Variants in SLC25A13 observed in about 807,000 individuals in gnomAD.
SLC25A13 encodes the protein electrogenic aspartate/glutamate antiporter SLC25A13, mitochondrial.
In SLC25A13, 70 loss-of-function variants were observed where a neutral mutation model predicts 85.5. That is an observed-to-expected ratio of 0.82 (90% confidence interval 0.68 to 1.00). The LOEUF (loss-of-function observed/expected upper bound fraction) is 1.00. Among genes scored for constraint, SLC25A13 ranks in the 50% least tolerant of loss-of-function variants. The probability of loss-of-function intolerance (pLI) is 0.00; values close to 1 mark genes in which losing one functional copy is unlikely to be tolerated. For synonymous variants in SLC25A13, 259 were observed against 288.7 expected, an observed-to-expected ratio of 0.90 and a Z score of 1.04; for missense variants, 765 against 819.8, an observed-to-expected ratio of 0.93 and a Z score of 0.82.
chr7:96,319,357 G>A (rs1800248031), intron 1 of SLC25A13, among the ~76,000 whole-genome samples: 2 of 151,944 alleles, frequency 1.3e-5, no homozygotes, highest in South Asian at 4.1e-4. Flanking sequence ...AGACCAGCCT[G>A]GCCAACATGA....
At chr7:96,271,639 A>C (rs1798241828) in intron 3 of SLC25A13, among the ~76,000 whole-genome samples, 1 of 152,182 alleles carries the variant, frequency 6.6e-6, no homozygotes, top group Non-Finnish European at 1.5e-5. Context: ...TCATCGATAA[A>C]ACCAAGAAAA....
chr7:96,123,846 G>C (rs979133395), intron 15 of SLC25A13, among the ~76,000 whole-genome samples: 1 of 152,316 alleles, frequency 6.6e-6, no homozygotes, highest in South Asian at 2.1e-4. Flanking sequence ...TGGGGGCCAG[G>C]GTTGGCAGGG....
At chr7:96,203,034 C>G (rs1432096922) in intron 5 of SLC25A13, among the ~76,000 whole-genome samples, 1 of 152,170 alleles carries the variant, frequency 6.6e-6, no homozygotes, top group Admixed American at 6.5e-5. Context: ...GCTTAAAAAG[C>G]AACCAACCGG....
At chr7:96,140,654 C>T (rs1258723735) in intron 14 of SLC25A13, among the ~76,000 whole-genome samples, 1 of 151,958 alleles carries the variant, frequency 6.6e-6, no homozygotes, top group Admixed American at 6.6e-5. Flanking sequence ...CTGCCCGCAT[C>T]GGTCTCCCAC....
At chr7:96,321,872 C>A in intron 1 of SLC25A13, 70 bp downstream of exon 1, 1 of 1,472,470 alleles carries the variant, frequency 6.8e-7, no homozygotes. Context: ...GACACGTGAG[C>A]GCCCGAGCCT....
intron 4 of SLC25A13, among the ~76,000 whole-genome samples, chr7:96,232,427 C>G (rs1318774491): frequency 6.6e-6 from 1 of 151,634 alleles, no homozygotes; most frequent in Non-Finnish European, 1.5e-5. Context: ...GACATTACGG[C>G]CTACCAGAGG....
intron 13 of SLC25A13, among the ~76,000 whole-genome samples, chr7:96,167,663 G>A (rs1303210455): frequency 6.6e-6 from 1 of 152,220 alleles, no homozygotes; most frequent in African/African-American, 2.4e-5. Flanking sequence ...CCGCTCATGT[G>A]ACACAACCTT....
intron 14 of SLC25A13, among the ~76,000 whole-genome samples, chr7:96,138,476 G>A (rs544354092): frequency 6.7e-6 from 1 of 150,086 alleles, no homozygotes; most frequent in African/African-American, 2.5e-5. Context: ...GCTCACTGCA[G>A]CCTTGACCCC....
intron 15 of SLC25A13, among the ~76,000 whole-genome samples, chr7:96,123,794 C>T (rs56284386): frequency 0.03 from 4,575 of 152,258 alleles, 109 homozygotes; most frequent in Non-Finnish European, 0.045. Context: ...GGGAAAGCAG[C>T]AGATACTGGC....
intron 6 of SLC25A13, 26 bp downstream of exon 6, chr7:96,193,011 C>T: frequency 6.2e-7 from 1 of 1,613,154 alleles, no homozygotes; most frequent in Non-Finnish European, 8.5e-7. Context: ...AGTTAAACCA[C>T]TTCATTAGGG....
intron 3 of SLC25A13, among the ~76,000 whole-genome samples, chr7:96,273,097 A>G (rs1798309154): frequency 6.6e-6 from 1 of 152,234 alleles, no homozygotes; most frequent in African/African-American, 2.4e-5. Context: ...CTGAGGAGAT[A>G]CAATGGGTAG....
chr7:96,227,091 A>G (rs1035938990), intron 4 of SLC25A13, among the ~76,000 whole-genome samples: 24 of 152,226 alleles, frequency 1.6e-4, no homozygotes, highest in Admixed American at 7.2e-4. Context: ...TCTCAAATAT[A>G]AAATTCAGCT....
chr7:96,194,054 C>T (rs1794958881), intron 5 of SLC25A13, among the ~76,000 whole-genome samples: 1 of 152,168 alleles, frequency 6.6e-6, no homozygotes, highest in Non-Finnish European at 1.5e-5. Flanking sequence ...ATTCCTCCTG[C>T]AGAGAGCATT....
intron 4 of SLC25A13, among the ~76,000 whole-genome samples, chr7:96,233,343 A>G (rs1796629071): frequency 6.6e-6 from 1 of 152,232 alleles, no homozygotes; most frequent in Non-Finnish European, 1.5e-5. Context: ...GAAGATTTAA[A>G]TGGGGACTTT....
chr7:96,125,684 C>G (rs949239994), intron 15 of SLC25A13, among the ~76,000 whole-genome samples: 1 of 151,184 alleles, frequency 6.6e-6, no homozygotes, highest in Non-Finnish European at 1.5e-5. Context: ...AAGATTAATT[C>G]TACCTGTATC....
intron 3 of SLC25A13, among the ~76,000 whole-genome samples, chr7:96,235,586 G>C (rs1796715449): frequency 6.6e-6 from 1 of 152,170 alleles, no homozygotes; most frequent in Non-Finnish European, 1.5e-5. Flanking sequence ...AGTACAACTT[G>C]GATATGCGGT....
intron 3 of SLC25A13, among the ~76,000 whole-genome samples, chr7:96,275,283 G>A (rs548195534): frequency 2.0e-5 from 3 of 152,250 alleles, no homozygotes; most frequent in South Asian, 4.1e-4. Flanking sequence ...TTACACTGTT[G>A]GTGAGACTGT....
At chr7:96,153,585 G>A (rs1004093707) in intron 13 of SLC25A13, among the ~76,000 whole-genome samples, 8 of 152,112 alleles carry the variant, frequency 5.3e-5, no homozygotes, top group African/African-American at 1.2e-4. Flanking sequence ...GCACCACAGC[G>A]GGTTCTCTAT....
chr7:96,196,578 G>A (rs1457822693), intron 5 of SLC25A13, among the ~76,000 whole-genome samples: 1 of 152,198 alleles, frequency 6.6e-6, no homozygotes, highest in Non-Finnish European at 1.5e-5. Flanking sequence ...ACGCTTCCAT[G>A]ATTAAACATC....
Sources: gnomAD v4.1 joint callset for allele counts (sites outside exome capture counted in the v4.1 genomes callset) on GRCh38, gnomAD v4.1.1 for gene constraint, MANE v1.5 for transcripts, NCBI Gene and HGNC (gene_info 2026-07-23, HGNC 2026-07-21) for gene names.